The following MYL12A variants were observed in gnomAD, a reference collection of about 807,000 sequenced individuals.
MYL12A encodes the protein myosin light chain 12A.
MYL12A carries 11 observed loss-of-function variants against 13.3 expected under a neutral mutation model. The ratio of observed to expected loss-of-function variants is 0.83; its 90% CI spans 0.52 to 1.37. The LOEUF (loss-of-function observed/expected upper bound fraction) is 1.37. MYL12A is among the 40% of genes most tolerant of loss of function. The probability of loss-of-function intolerance (pLI) is 0.00; values close to 1 mark genes in which losing one functional copy is unlikely to be tolerated. For synonymous variants in MYL12A, 51 were observed against 69.9 expected (o/e 0.73, Z 1.35); for missense variants, 146 against 212.3 (o/e 0.69, Z 1.94).
chr18:3,255,728 T>C lies in MYL12A; in HGVS notation c.344-18T>C. ...TCAGAATAGTATGTATTCTGATCCC[T>C]TGTTCTTTATTCTCCAGGCACCATA... On this transcript the variant is annotated intron_variant, in intron 3 of 3. Coordinates refer to ENST00000217652, the MANE Select transcript of MYL12A (RefSeq NM_006471.4). The C allele has an allele frequency of 4.4e-6, 7 of 1,608,094 alleles. No homozygotes were observed. Among genetic ancestry groups the C allele is most frequent in the Non-Finnish European group, 5.9e-6 (7 of 1,178,382 alleles).
intron 1 of MYL12A, among the ~76,000 whole-genome samples, chr18:3,251,071 A>G (rs564264407): frequency 1.3e-5 from 2 of 152,214 alleles, no homozygotes; most frequent in East Asian, 1.9e-4. Flanking sequence ...ACTTCATAAT[A>G]AAATTGATAA....
intron 1 of MYL12A, chr18:3,252,104 GC>G (rs1264026386): frequency 4.5e-6 from 2 of 441,592 alleles, no homozygotes; most frequent in Non-Finnish European, 8.0e-6. Context: ...TTCATTCTTT[GC>G]AGTCCACAGA....
chr18:3,250,765 C>T (rs1327796577), intron 1 of MYL12A, among the ~76,000 whole-genome samples: 2 of 152,198 alleles, frequency 1.3e-5, no homozygotes, highest in Non-Finnish European at 2.9e-5. Context: ...GGTCTTCCTC[C>T]TCCCCAATCC....
chr18:3,252,251 A>T, intron 1 of MYL12A: 1 of 1,275,812 alleles, frequency 7.8e-7, no homozygotes, highest in Non-Finnish European at 1.1e-6. Context: ...GGAAGAATAT[A>T]ACTCAATGCA....
chr18:3,252,089 G>A, intron 1 of MYL12A: 1 of 430,198 alleles, frequency 2.3e-6, no homozygotes. Context: ...AGATCTAGGT[G>A]GTAGTTCATT....
At chr18:3,251,823 T>C (rs1280595956) in intron 1 of MYL12A, among the ~76,000 whole-genome samples, 1 of 152,218 alleles carries the variant, frequency 6.6e-6, no homozygotes, top group African/African-American at 2.4e-5. Context: ...CTATGTAGGA[T>C]ATATCTTTTC....
chr18:3,256,091 T>C lies in MYL12A; in HGVS notation c.*173T>C. 3.8e-6 allele frequency: 3 copies of C among 784,682 alleles called. No homozygotes were observed. The highest frequency in any genetic ancestry group is 1.9e-5 in the South Asian group (1 of 51,760). 48.6% of individuals were successfully genotyped at this position (784,682 alleles called of 1,614,324 possible). On this transcript the variant is annotated 3_prime_UTR_variant, in exon 4 of 4. Transcript: ENST00000217652. The stretch of plus-strand genomic sequence containing the variant: ...CTGGAAACGGGACTTTCTATTAATA[T>C]CATTTTCAGAATAAAAAATAGGATA...
chr18:3,250,724 C>T (rs1251024383), intron 1 of MYL12A, among the ~76,000 whole-genome samples: 1 of 152,176 alleles, frequency 6.6e-6, no homozygotes, highest in Admixed American at 6.5e-5. Flanking sequence ...TGCTTTGTAG[C>T]TTCTAAATGA....
At chr18:3,253,502 T>TA (rs2081507954) in intron 2 of MYL12A, 74 bp downstream of exon 2, 1 of 1,506,178 alleles carries the variant, frequency 6.6e-7, no homozygotes, top group African/African-American at 1.4e-5. Flanking sequence ...TCATGAGTCT[T>TA]AAAGCTCTGT....
rs550586109 is a variant in MYL12A at position 3,253,969 on chromosome 18, A to G, written c.262A>G (p.Met88Val). 6.2e-7 allele frequency: 1 copy of G among 1,613,966 alleles called. No individual in the cohort carries two copies. Among genetic ancestry groups the G allele is most frequent in the Non-Finnish European group, 8.5e-7 (1 of 1,179,888 alleles). The change falls in exon 3 of 4, where the codon ATG (methionine) becomes GTG (valine). Residue 88 changes from methionine (M) to valine (V), a missense_variant. By Grantham distance (21) the Met-to-Val change is conservative. Transcript: ENST00000217652. ...CATCAATTTCACCATGTTCCTCACC[A>G]TGTTTGGTGAGAAGTTAAATGGCAC... ...GPINFTMFLT[M>V]FGEKLNGTDP...
intron 1 of MYL12A, among the ~76,000 whole-genome samples, chr18:3,252,887 T>A (rs2081499949): frequency 6.6e-6 from 1 of 152,202 alleles, no homozygotes; most frequent in Non-Finnish European, 1.5e-5. Flanking sequence ...CAGTTTAGGC[T>A]AAGGCTGCAA....
intron 3 of MYL12A, among the ~76,000 whole-genome samples, 165 bp downstream of exon 3, chr18:3,254,215 C>A (rs1461393516): frequency 6.6e-6 from 1 of 152,016 alleles, no homozygotes; most frequent in Non-Finnish European, 1.5e-5. Context: ...CTGCTTCTGC[C>A]CTAAGTAGTA....
At chr18:3,250,355 C>A (rs917216604) in intron 1 of MYL12A, among the ~76,000 whole-genome samples, 3 of 149,832 alleles carry the variant, frequency 2.0e-5, no homozygotes, top group African/African-American at 7.4e-5. Context: ...GTAAAATGAA[C>A]AACAAACTAG....
chr18:3,250,023 A>G (rs1353234918), intron 1 of MYL12A: 1 of 147,682 alleles, frequency 6.8e-6, no homozygotes, highest in Non-Finnish European at 1.5e-5. Flanking sequence ...TTACATTGAC[A>G]TGAAATCTTT....
At chr18:3,254,211 C>T (rs1180412323) in intron 3 of MYL12A, among the ~76,000 whole-genome samples, 161 bp downstream of exon 3, 1 of 152,184 alleles carries the variant, frequency 6.6e-6, no homozygotes, top group African/African-American at 2.4e-5. Context: ...TTTGCTGCTT[C>T]TGCCCTAAGT....
intron 1 of MYL12A, chr18:3,249,472 G>A (rs2081462736): frequency 6.6e-6 from 1 of 152,174 alleles, no homozygotes; most frequent in African/African-American, 2.4e-5. Context: ...TGTAAACTCA[G>A]TCTCCTAACT....
At chr18:3,251,910 A>G (rs1327771738) in intron 1 of MYL12A, among the ~76,000 whole-genome samples, 1 of 152,214 alleles carries the variant, frequency 6.6e-6, no homozygotes, top group Non-Finnish European at 1.5e-5. Context: ...GGAATTTCCT[A>G]TTAAAATCTG....
At position 3,256,126 on chromosome 18, in the gene MYL12A, A is replaced by G; in HGVS notation, c.*208A>G. 2 of 631,802 alleles carry G rather than the reference A, an allele frequency of 3.2e-6. No individual in the cohort carries two copies. Among genetic ancestry groups the G allele is most frequent in the South Asian group, 4.2e-5 (2 of 47,438 alleles). 39.1% of individuals were successfully genotyped at this position (631,802 alleles called of 1,614,324 possible). A position where few individuals can be genotyped will look rare whatever the true frequency, so the allele number is the denominator to read the frequency against. On this transcript the variant is annotated 3_prime_UTR_variant, in exon 4 of 4. Coordinates refer to ENST00000217652, the MANE Select transcript of MYL12A (RefSeq NM_006471.4). ...AATAAAAAATAGGATAATTTAACCT[A>G]CCAGCCCTTCTCCCCCAATAACTGT...
At chr18:3,251,638 AG>A (rs2081486562) in intron 1 of MYL12A, among the ~76,000 whole-genome samples, 1 of 152,232 alleles carries the variant, frequency 6.6e-6, no homozygotes, top group Non-Finnish European at 1.5e-5. Flanking sequence ...ATAACAGACG[AG>A]GAAAGTACAT....
Sources: gnomAD v4.1 joint callset for allele counts (sites outside exome capture counted in the v4.1 genomes callset) on GRCh38, gnomAD v4.1.1 for gene constraint, MANE v1.5 for transcripts, NCBI Gene and HGNC (gene_info 2026-07-23, HGNC 2026-07-21) for gene names.